Variants in SLCO3A1 observed in about 807,000 individuals in gnomAD.
SLCO3A1 encodes PGE1 transporter.
In SLCO3A1, 27 loss-of-function variants were observed where a neutral mutation model predicts 63.1. The ratio of observed to expected loss-of-function variants is 0.43; its 90% CI spans 0.32 to 0.59. SLCO3A1 has a LOEUF of 0.59. Among genes scored for constraint, SLCO3A1 ranks in the 20% least tolerant of loss-of-function variants. The probability of loss-of-function intolerance (pLI) is 0.09; values close to 1 mark genes in which losing one functional copy is unlikely to be tolerated. For synonymous variants in SLCO3A1, 473 were observed against 409.9 expected, an observed-to-expected ratio of 1.15 and a Z score of -1.86; for missense variants, 773 against 945.8, an observed-to-expected ratio of 0.82 and a Z score of 2.40.
chr15:92,035,725 G>T (rs930977809), intron 2 of SLCO3A1, among the ~76,000 whole-genome samples: 4 of 151,810 alleles, frequency 2.6e-5, no homozygotes, highest in African/African-American at 9.7e-5. Flanking sequence ...GTCCCTGAGA[G>T]TGTGAATGTC....
At chr15:92,090,025 G>A (rs537812429) in intron 2 of SLCO3A1, among the ~76,000 whole-genome samples, 7 of 152,230 alleles carry the variant, frequency 4.6e-5, no homozygotes, top group South Asian at 2.1e-4. Flanking sequence ...ACCATGATAC[G>A]TATCAACAGA....
intron 2 of SLCO3A1, among the ~76,000 whole-genome samples, chr15:91,972,645 G>C (rs960630276): frequency 6.6e-6 from 1 of 152,206 alleles, no homozygotes; most frequent in Admixed American, 6.5e-5. Flanking sequence ...CGTGCTGACC[G>C]ATCGATCTTC....
At chr15:92,127,620 A>G (rs967368006) in intron 6 of SLCO3A1, among the ~76,000 whole-genome samples, 8 of 152,222 alleles carry the variant, frequency 5.3e-5, no homozygotes, top group Non-Finnish European at 1.0e-4. Flanking sequence ...TGATCAGAGT[A>G]AAGAAGAGAC....
intron 2 of SLCO3A1, among the ~76,000 whole-genome samples, chr15:91,945,386 G>A (rs978543061): frequency 1.3e-5 from 2 of 151,482 alleles, no homozygotes; most frequent in African/African-American, 4.9e-5. Context: ...ATTCTGTACT[G>A]GGAATGTGAT....
chr15:92,085,703 A>G (rs192655548), intron 2 of SLCO3A1, among the ~76,000 whole-genome samples: 1 of 152,312 alleles, frequency 6.6e-6, no homozygotes, highest in African/African-American at 2.4e-5. Flanking sequence ...TGAAATAAAT[A>G]CCCATGAAGT....
At chr15:92,008,104 C>T (rs1158092838) in intron 2 of SLCO3A1, among the ~76,000 whole-genome samples, 1 of 152,192 alleles carries the variant, frequency 6.6e-6, no homozygotes, top group Non-Finnish European at 1.5e-5. Flanking sequence ...AGAGCAACCC[C>T]ATACTTGGTC....
rs928238137 is a variant in SLCO3A1 at position 91,860,871 on chromosome 15, T to C, written c.180+6783T>C. Among the ~76,000 whole-genome samples the C allele has an allele frequency of 1.3e-5, 2 of 152,192 alleles. No homozygotes were observed. Among genetic ancestry groups the C allele is most frequent in the Non-Finnish European group, 2.9e-5 (2 of 68,020 alleles). The stretch of plus-strand genomic sequence containing the variant: ...GCATTTCCCCACGCTTGGTCTTTTT[T>C]TTTGGTTTCTCATAAGCAGAACAAT... On this transcript the variant is annotated intron_variant, in intron 1 of 9. Coordinates refer to ENST00000318445, the MANE Select transcript of SLCO3A1 (RefSeq NM_013272.4). The surrounding 1 kb of genome is among the most constrained non-coding windows in gnomAD (Gnocchi z 5.5).
At chr15:92,121,614 G>C (rs1215007532) in intron 5 of SLCO3A1, among the ~76,000 whole-genome samples, 1 of 152,168 alleles carries the variant, frequency 6.6e-6, no homozygotes, top group East Asian at 1.9e-4. Context: ...AGTAGTGGAG[G>C]TTCAGTTGCC....
At chr15:91,917,966 C>G (rs1898717070) in intron 2 of SLCO3A1, among the ~76,000 whole-genome samples, 1 of 152,150 alleles carries the variant, frequency 6.6e-6, no homozygotes, top group African/African-American at 2.4e-5. Flanking sequence ...GAGTGAAAAC[C>G]TGAATTGTTG....
chr15:92,102,110 C>T (rs1005363003), intron 3 of SLCO3A1, among the ~76,000 whole-genome samples: 1 of 152,086 alleles, frequency 6.6e-6, no homozygotes, highest in African/African-American at 2.4e-5. Context: ...CTTTTCAATT[C>T]CCCCTTTATG....
intron 2 of SLCO3A1, among the ~76,000 whole-genome samples, chr15:92,048,170 C>T (rs377715566): frequency 1.3e-5 from 2 of 152,052 alleles, no homozygotes; most frequent in African/African-American, 2.4e-5. Context: ...CCCCAGAACC[C>T]CAGTATCTCA....
rs897720233 is a variant in SLCO3A1 at position 91,954,886 on chromosome 15, C to T, written c.646+38428C>T. On this transcript the variant is annotated intron_variant, in intron 2 of 9. Transcript: ENST00000318445. The surrounding 1 kb of genome is among the most constrained non-coding windows in gnomAD (Gnocchi z 4.7). ...CTGCCACTGCCCAAGGGCTGGACAGCACCACCCCTCCTAATTCCTAGGAAT... is the reference window on the plus strand; with the variant it reads ...CTGCCACTGCCCAAGGGCTGGACAGTACCACCCCTCCTAATTCCTAGGAAT... 1.3e-5 allele frequency among the ~76,000 whole-genome samples: 2 copies of T among 152,124 alleles called. No individual in the cohort carries two copies. Among genetic ancestry groups the T allele is most frequent in the East Asian group, 3.9e-4 (2 of 5,186 alleles).
chr15:91,896,525 G>A (rs1898008302), intron 1 of SLCO3A1, among the ~76,000 whole-genome samples: 2 of 152,082 alleles, frequency 1.3e-5, no homozygotes, highest in South Asian at 4.1e-4. Flanking sequence ...CATGGGGGTG[G>A]GTTTTCCCGT....
intron 4 of SLCO3A1, among the ~76,000 whole-genome samples, chr15:92,110,583 A>G (rs556952955): frequency 1.3e-5 from 2 of 152,262 alleles, no homozygotes; most frequent in African/African-American, 4.8e-5. Flanking sequence ...TTTCATCTTC[A>G]GACATCAGCT....
intron 2 of SLCO3A1, among the ~76,000 whole-genome samples, chr15:92,020,910 A>G (rs140085458): frequency 6.2e-4 from 95 of 152,376 alleles, no homozygotes; most frequent in African/African-American, 2.2e-3. Context: ...TTGATAAAGA[A>G]GTGAATTTAG....
intron 2 of SLCO3A1, among the ~76,000 whole-genome samples, chr15:92,004,408 G>A (rs1321076289): frequency 1.3e-5 from 2 of 152,250 alleles, no homozygotes; most frequent in Non-Finnish European, 2.9e-5. Context: ...CCTAACACAG[G>A]CAGCTAAGAG....
chr15:91,953,194 A>G (rs920848926), intron 2 of SLCO3A1, among the ~76,000 whole-genome samples: 1 of 152,218 alleles, frequency 6.6e-6, no homozygotes, highest in Non-Finnish European at 1.5e-5. Context: ...AACGTAAGAT[A>G]AACTGTCATC....
chr15:92,099,725 A>G (rs934504904), intron 3 of SLCO3A1, among the ~76,000 whole-genome samples: 4 of 152,182 alleles, frequency 2.6e-5, no homozygotes, highest in African/African-American at 9.7e-5. Flanking sequence ...AGAAATAAGA[A>G]CAACCCAGAA....
chr15:91,909,882 C>T (rs963739884), intron 1 of SLCO3A1, among the ~76,000 whole-genome samples: 7 of 152,216 alleles, frequency 4.6e-5, no homozygotes, highest in Non-Finnish European at 8.8e-5. Flanking sequence ...GTTACACCAG[C>T]ATTAGCCTGC....
Sources: allele counts gnomAD v4.1 joint callset (sites outside exome capture counted in the v4.1 genomes callset), GRCh38; gene constraint gnomAD v4.1.1; non-coding constraint Gnocchi (gnomAD v3.1); transcripts MANE v1.5; gene names NCBI Gene and HGNC (gene_info 2026-07-23, HGNC 2026-07-21).